Variants in ZFHX3 observed in about 807,000 individuals in gnomAD.
ZFHX3 encodes the protein zinc finger homeobox protein 3.
A neutral mutation model predicts 279.1 loss-of-function variants in ZFHX3; 42 were observed. That is an observed-to-expected ratio of 0.15 (90% CI 0.12 to 0.19). The LOEUF is 0.19. ZFHX3 is among the 10% of genes least tolerant of loss of function. The pLI is 1.00. For synonymous variants in ZFHX3, 2,293 were observed against 1,957.8 expected, an observed-to-expected ratio of 1.17 and a Z score of -4.52; for missense variants, 4,981 against 4,754.0, an observed-to-expected ratio of 1.05 and a Z score of -1.40.
chr16:72,848,628 A>C (rs2037535390), intron 4 of ZFHX3, among the ~76,000 whole-genome samples: 3 of 149,328 alleles, frequency 2.0e-5, no homozygotes, highest in Non-Finnish European at 4.5e-5. Context: ...TGCGGCCATC[A>C]CCCTGTGCCC....
chr16:72,789,667 G>A (rs965560704), intron 9 of ZFHX3: 1 of 152,310 alleles, frequency 6.6e-6, no homozygotes, highest in Non-Finnish European at 1.5e-5. Context: ...GAAGGGCCTG[G>A]GAAGAAATAA....
chr16:73,823,190 G>C (rs1418690173), intron 1 of ZFHX3, among the ~76,000 whole-genome samples: 2 of 152,114 alleles, frequency 1.3e-5, no homozygotes, highest in African/African-American at 4.8e-5. Flanking sequence ...AATCCATGAG[G>C]TCAGGGAAAG....
chr16:73,785,609 A>C (rs561784966), intron 1 of ZFHX3, among the ~76,000 whole-genome samples: 1 of 152,126 alleles, frequency 6.6e-6, no homozygotes, highest in South Asian at 2.1e-4. Context: ...TTCCATCTTT[A>C]TCGGTATAAA....
intron 2 of ZFHX3, among the ~76,000 whole-genome samples, chr16:73,520,475 T>C (rs2019592129): frequency 1.3e-5 from 2 of 152,220 alleles, no homozygotes; most frequent in African/African-American, 2.4e-5. Context: ...AATTATGAAA[T>C]AATTGTCTTG....
chr16:72,844,518 AC>A lies in ZFHX3; in HGVS notation c.3449-14660del, dbSNP rs1386105567. ...CCCCAGCACACAGCACACAGACCTC[AC>A]ATTCCAGGAAATGTATTTTAAGGCC... is the stretch of plus-strand genomic sequence containing the variant. On this transcript the variant is annotated intron_variant, in intron 4 of 9. Coordinates refer to ENST00000268489, the MANE Select transcript of ZFHX3 (RefSeq NM_006885.4). Among the ~76,000 whole-genome samples the A allele has an allele frequency of 3.3e-5, 5 of 152,170 alleles. No individual in the cohort carries two copies. In the East Asian group the frequency reaches 9.7e-4, roughly 29 times the overall value.
intron 3 of ZFHX3, among the ~76,000 whole-genome samples, chr16:72,911,276 A>G (rs959306417): frequency 1.3e-5 from 2 of 152,240 alleles, no homozygotes; most frequent in African/African-American, 4.8e-5. Context: ...TGAGGAAGTT[A>G]GCATAGCTAT....
chr16:72,892,231 A>C (rs1467313997), intron 3 of ZFHX3, among the ~76,000 whole-genome samples: 1 of 152,246 alleles, frequency 6.6e-6, no homozygotes, highest in East Asian at 1.9e-4. Context: ...TCAATGACAT[A>C]AACTGGCTAA....
intron 1 of ZFHX3, chr16:73,015,056 T>C (rs1005772493): frequency 1.0e-4 from 15 of 147,936 alleles, no homozygotes; most frequent in African/African-American, 3.8e-4. Context: ...TTTTTTTTTT[T>C]TTTTTTTTGA....
intron 4 of ZFHX3, among the ~76,000 whole-genome samples, chr16:73,313,208 A>G (rs989856092): frequency 2.6e-5 from 4 of 152,112 alleles, no homozygotes; most frequent in African/African-American, 7.2e-5. Context: ...ACCTTCCACC[A>G]TGACTGTAAG....
intron 1 of ZFHX3, among the ~76,000 whole-genome samples, chr16:73,057,882 A>G (rs986965482): frequency 1.2e-3 from 175 of 148,850 alleles, no homozygotes; most frequent in Non-Finnish European, 2.1e-3. Flanking sequence ...CCGCGGCAGC[A>G]GCAGTGGCTG....
At chr16:73,664,741 G>A (rs1459856900) in intron 2 of ZFHX3, among the ~76,000 whole-genome samples, 2 of 152,164 alleles carry the variant, frequency 1.3e-5, no homozygotes, top group Non-Finnish European at 2.9e-5. Flanking sequence ...CCTGGTTACA[G>A]CAGGACCAAA....
chr16:72,956,125 T>C (rs1188685970), intron 2 of ZFHX3, among the ~76,000 whole-genome samples: 2 of 152,182 alleles, frequency 1.3e-5, no homozygotes, highest in Non-Finnish European at 2.9e-5. Flanking sequence ...AAAAACTGAA[T>C]ACATAGCAAG....
intron 3 of ZFHX3, among the ~76,000 whole-genome samples, chr16:73,430,442 A>T (rs1241783788): frequency 6.6e-6 from 1 of 152,192 alleles, no homozygotes; most frequent in Admixed American, 6.5e-5. Context: ...CCCACCTTAC[A>T]TTCTTTCTGG....
intron 5 of ZFHX3, among the ~76,000 whole-genome samples, chr16:72,817,792 G>A (rs2036657082): frequency 6.6e-6 from 1 of 152,186 alleles, no homozygotes; most frequent in South Asian, 2.1e-4. Context: ...TGAGCCCACT[G>A]AGGGTCTGGG....
intron 2 of ZFHX3, among the ~76,000 whole-genome samples, chr16:73,512,061 G>A (rs1429448368): frequency 1.3e-5 from 2 of 152,032 alleles, no homozygotes; most frequent in South Asian, 4.2e-4. Context: ...AGAAATAAGT[G>A]TCTGCCCTGG....
intron 3 of ZFHX3, among the ~76,000 whole-genome samples, chr16:72,914,106 T>C (rs1002453168): frequency 1.3e-5 from 2 of 152,176 alleles, no homozygotes; most frequent in African/African-American, 4.8e-5. Flanking sequence ...GATCATGCTG[T>C]CTAGAGACCT....
In ZFHX3 at chr16:72,959,076, A is replaced by T. The variant is rs371769547; in HGVS notation, c.1070T>A (p.Leu357His). The T allele has an allele frequency of 1.2e-6, 2 of 1,614,098 alleles. No homozygotes were observed. Among genetic ancestry groups the T allele is most frequent in the African/African-American group, 2.7e-5 (2 of 74,932 alleles). ...ATAAAAACTGTGTCCGGGGCCTATGAGGTTAGCTGTGGAAACTAAAGGGTG... is the reference window on the plus strand; with the variant it reads ...ATAAAAACTGTGTCCGGGGCCTATGTGGTTAGCTGTGGAAACTAAAGGGTG... The part of the protein sequence containing the change: ...FQHPLVSTAN[L>H]IGPGHSFYGK... The change falls in exon 2 of 10, where the codon CTC (leucine) becomes CAC (histidine). Residue 357 changes from leucine (L) to histidine (H), a missense_variant. By Grantham distance (99) the Leu-to-His change is moderately conservative (BLOSUM62 -3). Transcript: ENST00000268489.
In ZFHX3 at chr16:73,398,237, C is replaced by T. The variant is rs576580992; in HGVS notation, c.-1291+57766G>A. Among the ~76,000 whole-genome samples the T allele has an allele frequency of 7.2e-5, 11 of 152,224 alleles. No individual in the cohort carries two copies. The South Asian group carries it at 1.7e-3, about 23-fold the overall frequency. On this transcript the variant is annotated intron_variant, in intron 3 of 17. Transcript: ENST00000641206. ...TCAGGAGAGATTACTGAGGAGTCTTCGGCAAATCAACAGAATTTAAAGCCA... is the reference window on the plus strand; with the variant it reads ...TCAGGAGAGATTACTGAGGAGTCTTTGGCAAATCAACAGAATTTAAAGCCA...
rs563567568 is a variant in ZFHX3, at chr16:73,617,482, T to C, written c.-1547+62698A>G. Among the ~76,000 whole-genome samples the C allele has an allele frequency of 1.6e-4, 24 of 152,354 alleles. 1 individual carries two copies. The South Asian group carries it at 4.8e-3, about 30-fold the overall frequency. On this transcript the variant is annotated intron_variant, in intron 2 of 17. Coordinates refer to the ZFHX3 transcript ENST00000641206. ...AGCTTAGCAGTTATATGATACAATA[T>C]ACAAAACAAAATCAAGAAAACTGAC... is the stretch of plus-strand genomic sequence containing the variant.
Sources: allele counts gnomAD v4.1 joint callset (sites outside exome capture counted in the v4.1 genomes callset), GRCh38; gene constraint gnomAD v4.1.1; transcripts MANE v1.5; gene names NCBI Gene and HGNC (gene_info 2026-07-23, HGNC 2026-07-21).